The following STMN4 variants were observed in gnomAD, a reference collection of about 807,000 sequenced individuals.
The protein encoded by STMN4 is stathmin-4.
Under a neutral mutation model 29.1 loss-of-function variants are expected in STMN4, and 12 were observed. The observed-to-expected ratio is 0.41, with a 90% confidence interval of 0.26 to 0.67. STMN4 has a LOEUF of 0.67. STMN4 is among the 30% of genes least tolerant of loss of function. The probability of loss-of-function intolerance (pLI) is 0.30; values close to 1 mark genes in which losing one functional copy is unlikely to be tolerated. For missense variants in STMN4, 181 were observed against 262.8 expected (o/e 0.69, Z 2.15); for synonymous variants, 114 against 105.3 (o/e 1.08, Z -0.51).
intron 1 of STMN4, among the ~76,000 whole-genome samples, chr8:27,252,051 A>C (rs1232562308): frequency 6.6e-6 from 1 of 151,654 alleles, no homozygotes; most frequent in Non-Finnish European, 1.5e-5. Flanking sequence ...ATGAGTGAGA[A>C]TATGCAGTGT....
chr8:27,255,016 G>A (rs1586024003), intron 1 of STMN4, among the ~76,000 whole-genome samples: 1 of 151,948 alleles, frequency 6.6e-6, no homozygotes, highest in African/African-American at 2.4e-5. Context: ...GCGCAGGTGT[G>A]CATGTATTCA....
Position 27,242,496 on chromosome 8 carries a change from C to T in STMN4, c.14-4G>A, listed in dbSNP as rs756629458. ...TCCTTCATCTTCTCTTTGTAGGCTG[C>T]GGAAACACCCAGTCAGGTGAGGATG... On this transcript the variant is annotated splice_polypyrimidine_tract_variant and splice_region_variant and intron_variant, in intron 2 of 6. Coordinates refer to ENST00000350889, the MANE Select transcript of STMN4 (RefSeq NM_030795.4). 5 of 1,613,934 alleles carry T rather than the reference C, an allele frequency of 3.1e-6. No homozygotes were observed. Among genetic ancestry groups the T allele is most frequent in the African/African-American group, 1.3e-5 (1 of 75,034 alleles).
At position 27,241,036 on chromosome 8, in the gene STMN4, G is replaced by A; in HGVS notation, c.399+18C>T. 6.2e-7 allele frequency: 1 copy of A among 1,604,596 alleles called. No homozygotes were observed. The highest frequency in any genetic ancestry group is 2.2e-5 in the East Asian group (1 of 44,792). On this transcript the variant is annotated intron_variant, in intron 5 of 6. Transcript: ENST00000350889. ...CTTTATGCTGAGAGGGAGGAAAGAA[G>A]GAAGGGTCAGCATTTACCTTCCTTC...
rs145610354 is a variant in STMN4, at chr8:27,241,150, A to C, written c.303T>G (p.Asp101Glu). Reference protein sequence around the residue: ...FEVILKPPSFDGVPEFNASLP... With the variant: ...FEVILKPPSFEGVPEFNASLP... The stretch of plus-strand genomic sequence containing the variant: ...GGGAGGCGTTGAACTCGGGAACCCC[A>C]TCAAAGGAGGGTGGCTTCAGGATGA... The change falls in exon 5 of 7, where the codon GAT (aspartate) becomes GAG (glutamate). Residue 101 changes from aspartate (D) to glutamate (E), a missense_variant. Coordinates refer to ENST00000350889, the MANE Select transcript of STMN4 (RefSeq NM_030795.4). The C allele has an allele frequency of 3.4e-4, 556 of 1,614,230 alleles. 1 individual carries two copies. The highest frequency in any genetic ancestry group is 4.7e-4 in the Non-Finnish European group (549 of 1,180,040).
At chr8:27,243,550 C>A (rs556110172) in intron 2 of STMN4, among the ~76,000 whole-genome samples, 161 bp downstream of exon 2, 2 of 152,160 alleles carry the variant, frequency 1.3e-5, no homozygotes, top group South Asian at 2.1e-4. Flanking sequence ...GTGCCTCCCG[C>A]CACTGCCTGC....
intron 1 of STMN4, among the ~76,000 whole-genome samples, chr8:27,253,077 G>C (rs76819470): frequency 0.015 from 2,333 of 152,284 alleles, 55 homozygotes; most frequent in African/African-American, 0.05. Context: ...TGCAGTCCCA[G>C]AGTTAGTAGC....
At chr8:27,239,275 G>A (rs1413347399) in intron 6 of STMN4, 3 of 1,535,658 alleles carry the variant, frequency 2.0e-6, no homozygotes, top group South Asian at 1.2e-5. Context: ...CGCAGCAGGC[G>A]GTTCCTGGAA....
chr8:27,239,904 C>T (rs755757988), intron 6 of STMN4, 67 bp downstream of exon 6: 283 of 1,611,658 alleles, frequency 1.8e-4, no homozygotes, highest in Non-Finnish European at 2.4e-4. Context: ...AGCAGGTCCC[C>T]GCATACTTGC....
intron 5 of STMN4, 30 bp downstream of exon 5, chr8:27,241,024 G>T: frequency 6.3e-7 from 1 of 1,594,760 alleles, no homozygotes; most frequent in Non-Finnish European, 8.6e-7. Context: ...TATGCTGAGA[G>T]GGAGGAAAGA....
intron 1 of STMN4, among the ~76,000 whole-genome samples, chr8:27,251,261 AAT>A (rs1018132584): frequency 6.8e-6 from 1 of 147,686 alleles, no homozygotes; most frequent in East Asian, 2.0e-4. Flanking sequence ...TCAAAAAATA[AAT>A]ATATATATAT....
At chr8:27,242,328 T>G in intron 3 of STMN4, 69 bp downstream of exon 3, 1 of 1,463,378 alleles carries the variant, frequency 6.8e-7, no homozygotes, top group South Asian at 1.1e-5. Context: ...GGGGTCGGGG[T>G]GCAGGACCTA....
At chr8:27,239,296 G>T in intron 6 of STMN4, 1 of 1,535,574 alleles carries the variant, frequency 6.5e-7, no homozygotes, top group Non-Finnish European at 8.7e-7. Flanking sequence ...ATAAAACACA[G>T]AGCTGGAGCT....
At chr8:27,250,716 G>A (rs972020051) in intron 1 of STMN4, among the ~76,000 whole-genome samples, 3 of 152,196 alleles carry the variant, frequency 2.0e-5, no homozygotes, top group African/African-American at 7.2e-5. Context: ...TAGAGGAAGA[G>A]ATGATGGGGA....
At chr8:27,236,954 G>C in intron 6 of STMN4, 49 bp from the exon 7 acceptor site, 1 of 1,570,290 alleles carries the variant, frequency 6.4e-7, no homozygotes, top group South Asian at 1.2e-5. Context: ...GCTGCCCGGG[G>C]ACAAAAAGGG....
intron 1 of STMN4, among the ~76,000 whole-genome samples, chr8:27,250,977 G>A (rs1302765896): frequency 3.9e-5 from 6 of 151,966 alleles, no homozygotes; most frequent in Non-Finnish European, 8.8e-5. Flanking sequence ...GGCTGAGTGC[G>A]ATGGCTCATG....
intron 6 of STMN4, 157 bp downstream of exon 6, chr8:27,239,814 T>C (rs1310824201): frequency 1.3e-6 from 2 of 1,543,180 alleles, no homozygotes; most frequent in Non-Finnish European, 1.7e-6. Flanking sequence ...TCCCTGATCA[T>C]CCTTCGGAAC....
chr8:27,242,698 C>T, intron 2 of STMN4, among the ~76,000 whole-genome samples: 1 of 152,222 alleles, frequency 6.6e-6, no homozygotes, highest in East Asian at 1.9e-4. Flanking sequence ...ACTCCTGTCT[C>T]CTGTGGAAAC....
At chr8:27,243,879 G>T in intron 1 of STMN4, 78 bp from the exon 2 acceptor site, 1 of 1,323,126 alleles carries the variant, frequency 7.6e-7, no homozygotes, top group Non-Finnish European at 1.1e-6. Flanking sequence ...TTTATACACT[G>T]GGGAGGGAAT....
intron 1 of STMN4, among the ~76,000 whole-genome samples, chr8:27,254,007 T>G (rs1338061243): frequency 6.6e-6 from 1 of 152,152 alleles, no homozygotes; most frequent in Non-Finnish European, 1.5e-5. Context: ...GGTCTTGAAT[T>G]CCCGACCTCA....
Sources: gnomAD v4.1 joint callset for allele counts (sites outside exome capture counted in the v4.1 genomes callset) on GRCh38, gnomAD v4.1.1 for gene constraint, MANE v1.5 for transcripts, NCBI Gene and HGNC (gene_info 2026-07-23, HGNC 2026-07-21) for gene names.